Variants in DLGAP3 observed in about 807,000 individuals in gnomAD.
DLGAP3 encodes disks large-associated protein 3.
DLGAP3 carries 17 observed loss-of-function variants against 81.2 expected under a neutral mutation model. The observed-to-expected ratio is 0.21, with a 90% CI of 0.14 to 0.31. The LOEUF is 0.31. Ranked by LOEUF, DLGAP3 falls within the 10% of genes least tolerant of loss-of-function variation. DLGAP3 has a pLI of 1.00. For synonymous variants in DLGAP3, 577 were observed against 587.4 expected (o/e 0.98, Z 0.26); for missense variants, 1,124 against 1,388.0 (o/e 0.81, Z 3.02).
In DLGAP3 at chr1:34,868,562, G is replaced by C; in HGVS notation, c.2485+43C>G. ...TCAGGGTCTCCTGAGCACACACGAG[G>C]CCATGGTCCCCAGAGTCCCCTTGTT... On this transcript the variant is annotated intron_variant, in intron 9 of 11. Coordinates refer to ENST00000373347, the MANE Select transcript of DLGAP3 (RefSeq NM_001080418.3). This position sits in a 1 kb window ranked among gnomAD's most constrained non-coding sequence, Gnocchi z 7.5. 2 of 1,548,858 alleles carry C rather than the reference G, an allele frequency of 1.3e-6. No individual in the cohort carries two copies. The highest frequency in any genetic ancestry group is 1.7e-4 in the Middle Eastern group (1 of 5,952).
intron 1 of DLGAP3, among the ~76,000 whole-genome samples, chr1:34,920,782 C>T (rs896948883): frequency 6.6e-6 from 1 of 152,178 alleles, no homozygotes; most frequent in Non-Finnish European, 1.5e-5. Flanking sequence ...CTTCTGGACA[C>T]TGTAGATACA....
chr1:34,918,097 G>C (rs1455763383), intron 1 of DLGAP3, among the ~76,000 whole-genome samples: 2 of 152,192 alleles, frequency 1.3e-5, no homozygotes, highest in African/African-American at 4.8e-5. Flanking sequence ...CCCTCAGAGG[G>C]GGGGTCTCTC....
chr1:34,910,126 G>A (rs1639617082), intron 1 of DLGAP3, among the ~76,000 whole-genome samples: 1 of 152,162 alleles, frequency 6.6e-6, no homozygotes, highest in South Asian at 2.1e-4. Flanking sequence ...AAGGCCTAGA[G>A]AACTGCAGAG....
At chr1:34,921,594 G>A (rs759619497) in intron 1 of DLGAP3, among the ~76,000 whole-genome samples, 5 of 152,200 alleles carry the variant, frequency 3.3e-5, no homozygotes, top group Non-Finnish European at 7.3e-5. Flanking sequence ...TGAGGTCAAG[G>A]ACCATCCCTA....
chr1:34,927,723 T>C (rs995685228), intron 1 of DLGAP3, among the ~76,000 whole-genome samples: 6 of 150,612 alleles, frequency 4.0e-5, no homozygotes, highest in Admixed American at 2.6e-4. Flanking sequence ...TTTTAGGCAT[T>C]GGCAGCTGGG....
intron 7 of DLGAP3, among the ~76,000 whole-genome samples, 193 bp from the exon 8 acceptor site, chr1:34,885,256 G>A (rs1161630015): frequency 6.6e-6 from 1 of 152,242 alleles, no homozygotes; most frequent in Admixed American, 6.5e-5. Flanking sequence ...CAGCCCTCCA[G>A]CCCTCCATTA....
At chr1:34,914,961 T>C (rs1168165870) in intron 1 of DLGAP3, among the ~76,000 whole-genome samples, 1 of 152,156 alleles carries the variant, frequency 6.6e-6, no homozygotes, top group Non-Finnish European at 1.5e-5. Flanking sequence ...TAGCCAAAGA[T>C]GGTGGCACCT....
chr1:34,904,814 C>G lies in DLGAP3; in HGVS notation c.570G>C (p.Pro190=). Residue 190 remains proline (P), a synonymous_variant, in exon 3 of 12, where the codon CCG becomes CCC. Coordinates refer to ENST00000373347, the MANE Select transcript of DLGAP3 (RefSeq NM_001080418.3). This position sits in a 1 kb window ranked among gnomAD's most constrained non-coding sequence, Gnocchi z 8.1. The part of the protein sequence containing the change: ...LFAKSHSLEA[P]GKRDYNGPKA... ...TGGGCCCATTATAGTCCCGCTTCCC[C>G]GGCGCCTCCAGAGAGTGGGACTTGG... The G allele has an allele frequency of 6.2e-7, 1 of 1,610,284 alleles. No homozygotes were observed.
At chr1:34,893,193 A>C (rs896855586) in intron 5 of DLGAP3, among the ~76,000 whole-genome samples, 1 of 151,982 alleles carries the variant, frequency 6.6e-6, no homozygotes, top group Non-Finnish European at 1.5e-5. Context: ...AAAAAAAAAA[A>C]AAAAAACAAT....
At chr1:34,910,094 G>T (rs1433251699) in intron 1 of DLGAP3, among the ~76,000 whole-genome samples, 3 of 152,112 alleles carry the variant, frequency 2.0e-5, no homozygotes, top group African/African-American at 7.2e-5. Context: ...CCAGAGCTAG[G>T]GCCGCTATCT....
In DLGAP3 at chr1:34,867,686, C is replaced by T. The variant is rs1052089897; in HGVS notation, c.2486-59G>A. The T allele has an allele frequency of 8.5e-6, 12 of 1,404,492 alleles. No homozygotes were observed. Among genetic ancestry groups the T allele is most frequent in the Admixed American group, 5.0e-5 (3 of 59,726 alleles). The allele number at this position is 1,404,492 out of a possible 1,614,324, so 87.0% of individuals were successfully genotyped here. On this transcript the variant is annotated intron_variant, in intron 9 of 11. Coordinates refer to ENST00000373347, the MANE Select transcript of DLGAP3 (RefSeq NM_001080418.3). This position sits in a 1 kb window ranked among gnomAD's most constrained non-coding sequence, Gnocchi z 4.3. ...GATGCATCTCCTTCCCCAGCCTCCACGAAGTCTGCCCTGAATGACGCTGAC... is the reference window on the plus strand; with the variant it reads ...GATGCATCTCCTTCCCCAGCCTCCATGAAGTCTGCCCTGAATGACGCTGAC...
At position 34,867,476 on chromosome 1, in the gene DLGAP3, C is replaced by T; in HGVS notation, c.2577+60G>A. 1.4e-6 allele frequency: 2 copies of T among 1,458,816 alleles called. No homozygotes were observed. Among genetic ancestry groups the T allele is most frequent in the South Asian group, 1.1e-5 (1 of 88,036 alleles). 90.4% of individuals were successfully genotyped at this position (1,458,816 alleles called of 1,614,324 possible). A position where few individuals can be genotyped will look rare whatever the true frequency, so the allele number is the denominator to read the frequency against. The stretch of plus-strand genomic sequence containing the variant: ...CTGGGTCACCTGCCTGTCTCACCTC[C>T]AGCACACACACACTCTGGGTCACAT... On this transcript the variant is annotated intron_variant, in intron 10 of 11. Transcript: ENST00000373347. This position sits in a 1 kb window ranked among gnomAD's most constrained non-coding sequence, Gnocchi z 4.3.
At chr1:34,899,551 C>G in intron 5 of DLGAP3, 118 bp downstream of exon 5, 2 of 948,630 alleles carry the variant, frequency 2.1e-6, no homozygotes, top group South Asian at 2.6e-5. Context: ...CCCAGTTTCC[C>G]CAGAGCCAGG....
At position 34,902,053 on chromosome 1, in the gene DLGAP3, G is replaced by A. The variant is rs1031847852; in HGVS notation, c.1108-1780C>T. Among the ~76,000 whole-genome samples, 1 of 152,136 alleles carries A rather than the reference G, an allele frequency of 6.6e-6. No homozygotes were observed. The highest frequency in any genetic ancestry group is 1.5e-5 in the Non-Finnish European group (1 of 68,028). ...TGAGCCAAGGAAGGGGACGAGGGTG[G>A]CTGGGAATTTGGATGCGTCTAGAGA... On this transcript the variant is annotated intron_variant, in intron 3 of 11. Transcript: ENST00000373347. The surrounding 1 kb of genome is among the most constrained non-coding windows in gnomAD (Gnocchi z 4.4).
At chr1:34,921,268 CT>C (rs1403809768) in intron 1 of DLGAP3, among the ~76,000 whole-genome samples, 1 of 152,206 alleles carries the variant, frequency 6.6e-6, no homozygotes, top group Non-Finnish European at 1.5e-5. Context: ...CCTCTGGCTG[CT>C]TTTTGGGAAA....
rs537176702 is a variant in DLGAP3 at position 34,896,071 on chromosome 1, C to T, written c.1386+3598G>A. Among the ~76,000 whole-genome samples, 3 of 152,024 alleles carry T rather than the reference C, an allele frequency of 2.0e-5. No homozygotes were observed. The East Asian group carries it at 5.8e-4, about 29-fold the overall frequency. ...AGACAAAGATTTCTTAAATTTTACA[C>T]CAAAGCACAATCAAGAAGAGAAAAA... On this transcript the variant is annotated intron_variant, in intron 5 of 11. Coordinates refer to ENST00000373347, the MANE Select transcript of DLGAP3 (RefSeq NM_001080418.3).
intron 1 of DLGAP3, among the ~76,000 whole-genome samples, chr1:34,912,930 C>T (rs893545860): frequency 6.6e-6 from 1 of 152,194 alleles, no homozygotes; most frequent in Non-Finnish European, 1.5e-5. Context: ...GACTGAGCCC[C>T]CCTGACTGAT....
In DLGAP3 at chr1:34,865,728, G is replaced by C. The variant is rs966011057; in HGVS notation, c.*355C>G. The C allele has an allele frequency of 2.9e-6, 1 of 342,962 alleles. No homozygotes were observed. Among genetic ancestry groups the C allele is most frequent in the South Asian group, 2.4e-5 (1 of 41,220 alleles). 21.2% of individuals were successfully genotyped at this position (342,962 alleles called of 1,614,324 possible). ...AGCCCAGCCCCGCGGGGTGGGGGAG[G>C]GGGGGACGCAGAGCCCAGATGAGGG... On this transcript the variant is annotated 3_prime_UTR_variant, in exon 12 of 12. Coordinates refer to ENST00000373347, the MANE Select transcript of DLGAP3 (RefSeq NM_001080418.3).
At chr1:34,901,013 G>A (rs1181874721) in intron 3 of DLGAP3, among the ~76,000 whole-genome samples, 1 of 152,060 alleles carries the variant, frequency 6.6e-6, no homozygotes, top group African/African-American at 2.4e-5. Flanking sequence ...CTGGGGGAGG[G>A]TGCTGCCGCT....
Sources: allele counts gnomAD v4.1 joint callset (sites outside exome capture counted in the v4.1 genomes callset), GRCh38; gene constraint gnomAD v4.1.1; non-coding constraint Gnocchi (gnomAD v3.1); transcripts MANE v1.5; gene names NCBI Gene and HGNC (gene_info 2026-07-23, HGNC 2026-07-21).